CHRM3: variants seen among roughly 807,000 people sequenced by gnomAD.
The protein encoded by CHRM3 is muscarinic acetylcholine receptor M3.
In CHRM3, 11 loss-of-function variants were observed where a neutral mutation model predicts 41.8. The ratio of observed to expected loss-of-function variants is 0.26; its 90% confidence interval spans 0.17 to 0.44. The LOEUF is 0.44. Among genes scored for constraint, CHRM3 ranks in the 20% least tolerant of loss-of-function variants. CHRM3 has a pLI of 1.00. For missense variants in CHRM3, 571 were observed against 745.4 expected (o/e 0.77, Z 2.72); for synonymous variants, 297 against 301.4 (o/e 0.99, Z 0.15).
intron 5 of CHRM3, among the ~76,000 whole-genome samples, chr1:239,781,100 C>G (rs899258774): frequency 6.6e-6 from 1 of 152,102 alleles, no homozygotes; most frequent in Non-Finnish European, 1.5e-5. Flanking sequence ...TCTTTTGCCT[C>G]TCCATGTAAA....
chr1:239,531,483 C>T (rs576147989), intron 2 of CHRM3, among the ~76,000 whole-genome samples: 5 of 151,890 alleles, frequency 3.3e-5, no homozygotes, highest in Admixed American at 1.3e-4. Context: ...AGTTTGATCA[C>T]GTCAATACAC....
At chr1:239,573,316 G>A (rs1009967490) in intron 3 of CHRM3, among the ~76,000 whole-genome samples, 16 of 152,092 alleles carry the variant, frequency 1.1e-4, no homozygotes, top group Admixed American at 2.0e-4. Flanking sequence ...AAAGAGATGA[G>A]GATGCTGAGT....
intron 1 of CHRM3, among the ~76,000 whole-genome samples, chr1:239,492,345 C>G (rs1667608397): frequency 6.6e-6 from 1 of 152,160 alleles, no homozygotes; most frequent in Non-Finnish European, 1.5e-5. Flanking sequence ...AGATATTAAA[C>G]TCAACTTCTG....
intron 6 of CHRM3, among the ~76,000 whole-genome samples, chr1:239,894,132 A>G (rs907176289): frequency 4.6e-5 from 7 of 152,364 alleles, no homozygotes; most frequent in East Asian, 1.9e-4. Flanking sequence ...TAAACATTTT[A>G]TCTACTAAGG....
intron 5 of CHRM3, among the ~76,000 whole-genome samples, chr1:239,765,818 C>CTTTT (rs1340202928): frequency 0.012 from 1,669 of 140,326 alleles, 32 homozygotes; most frequent in African/African-American, 0.041. Flanking sequence ...TCTTTTTTAT[C>CTTTT]TTTTTTTTTT....
Position 239,807,687 on chromosome 1 carries a change from A to G in CHRM3, c.-146-19565A>G, listed in dbSNP as rs185416741. 3.6e-3 allele frequency among the ~76,000 whole-genome samples: 541 copies of G among 152,324 alleles called. 13 individuals are homozygous for G. Among genetic ancestry groups the G allele is most frequent in the Non-Finnish European group, 1.8e-3 (123 of 68,030 alleles). On this transcript the variant is annotated intron_variant, in intron 5 of 6. Coordinates refer to ENST00000676153, the MANE Select transcript of CHRM3 (RefSeq NM_001375978.1). ...TCCTCACTTCATCTTTGATCTTTAC[A>G]TGCTCTGTTAAATTTTAGCTCATCA...
At chr1:239,806,728 C>G (rs749432965) in intron 5 of CHRM3, among the ~76,000 whole-genome samples, 20 of 152,176 alleles carry the variant, frequency 1.3e-4, no homozygotes, top group Non-Finnish European at 2.5e-4. Context: ...GCTATCTCTG[C>G]TTTCTAAAAA....
chr1:239,686,016 G>A (rs112444873), intron 5 of CHRM3, among the ~76,000 whole-genome samples: 1,936 of 151,972 alleles, frequency 0.013, 54 homozygotes, highest in African/African-American at 0.045. Flanking sequence ...ACTGTGTTCT[G>A]TCGTTGACTC....
chr1:239,544,967 C>T (rs1429336294), intron 2 of CHRM3, among the ~76,000 whole-genome samples: 10 of 152,190 alleles, frequency 6.6e-5, no homozygotes, highest in African/African-American at 1.9e-4. Flanking sequence ...CCTTACTCCC[C>T]TGAGTCTTTA....
chr1:239,765,395 G>A (rs1667122652), intron 5 of CHRM3, among the ~76,000 whole-genome samples: 1 of 152,162 alleles, frequency 6.6e-6, no homozygotes. Context: ...TTCAGGGTCA[G>A]GCCCGGTTAA....
chr1:239,492,668 G>C (rs992858448), intron 1 of CHRM3, 41 bp from the exon 2 acceptor site: 1 of 152,314 alleles, frequency 6.6e-6, no homozygotes, highest in African/African-American at 2.4e-5. Flanking sequence ...GAATAACCTT[G>C]CATGCTCTGC....
intron 6 of CHRM3, among the ~76,000 whole-genome samples, chr1:239,881,264 C>A (rs1343164664): frequency 1.0e-5 from 1 of 96,240 alleles, no homozygotes; most frequent in Non-Finnish European, 1.8e-5. Flanking sequence ...GCCTGGGCGA[C>A]AGAGTGAGAC....
At chr1:239,602,127 T>TATATACATATAC (rs1553337691) in intron 3 of CHRM3, among the ~76,000 whole-genome samples, 3 of 132,654 alleles carry the variant, frequency 2.3e-5, no homozygotes, top group Non-Finnish European at 4.8e-5. Flanking sequence ...TATATATATA[T>TATATACATATAC]ATATATATAT....
chr1:239,760,914 C>G (rs1424283979), intron 5 of CHRM3, among the ~76,000 whole-genome samples: 2 of 152,172 alleles, frequency 1.3e-5, no homozygotes, highest in Non-Finnish European at 2.9e-5. Context: ...TCGTTTCCAT[C>G]AGATTTGGAG....
intron 5 of CHRM3, among the ~76,000 whole-genome samples, chr1:239,730,813 G>T (rs1267995733): frequency 6.6e-6 from 1 of 151,880 alleles, no homozygotes; most frequent in Non-Finnish European, 1.5e-5. Context: ...GAAGCAGAGA[G>T]GTTCATGGGG....
chr1:239,440,507 C>A (rs1663634706), intron 1 of CHRM3, among the ~76,000 whole-genome samples: 1 of 152,116 alleles, frequency 6.6e-6, no homozygotes, highest in Non-Finnish European at 1.5e-5. Context: ...CCAGAAAATG[C>A]AGGTAGGAAA....
intron 1 of CHRM3, among the ~76,000 whole-genome samples, chr1:239,429,263 C>T (rs527991319): frequency 1.3e-5 from 2 of 152,184 alleles, no homozygotes; most frequent in Admixed American, 1.3e-4. Flanking sequence ...ATTTTTCCGC[C>T]TGTCAAATGA....
At chr1:239,767,768 G>T (rs2148702007) in intron 5 of CHRM3, among the ~76,000 whole-genome samples, 1 of 152,264 alleles carries the variant, frequency 6.6e-6, no homozygotes, top group African/African-American at 2.4e-5. Context: ...CACATAATTT[G>T]TAACTGATGG....
chr1:239,543,526 G>A (rs901028045), intron 2 of CHRM3, among the ~76,000 whole-genome samples: 9 of 135,670 alleles, frequency 6.6e-5, no homozygotes, highest in Admixed American at 6.6e-4. Context: ...TTTTTTTTTT[G>A]TGATGGAGTC....
Sources: allele counts gnomAD v4.1 joint callset (sites outside exome capture counted in the v4.1 genomes callset), GRCh38; gene constraint gnomAD v4.1.1; transcripts MANE v1.5; gene names NCBI Gene and HGNC (gene_info 2026-07-23, HGNC 2026-07-21).